FANCC: variants seen among roughly 807,000 people sequenced by gnomAD.
FANCC encodes the protein Fanconi anemia group C protein.
A neutral mutation model predicts 71.3 loss-of-function variants in FANCC; 55 were observed. The observed-to-expected ratio is 0.77, with a 90% CI of 0.62 to 0.97. The LOEUF (loss-of-function observed/expected upper bound fraction) is 0.97, where lower values mean the gene tolerates loss of function less well. FANCC is among the 50% of genes least tolerant of loss of function. The pLI, the probability that FANCC is intolerant of heterozygous loss-of-function variation, is 0.00. For synonymous variants in FANCC, 275 were observed against 244.9 expected (o/e 1.12, Z -1.15); for missense variants, 678 against 670.9 (o/e 1.01, Z -0.12).
intron 8 of FANCC, among the ~76,000 whole-genome samples, chr9:95,131,238 A>G (rs1187554024): frequency 6.6e-6 from 1 of 152,214 alleles, no homozygotes; most frequent in Non-Finnish European, 1.5e-5. Flanking sequence ...TTGGACACAG[A>G]GGATCCCCAG....
intron 6 of FANCC, among the ~76,000 whole-genome samples, chr9:95,170,758 G>A (rs1825623464): frequency 6.6e-6 from 1 of 151,214 alleles, no homozygotes; most frequent in African/African-American, 2.4e-5. Context: ...TCCTCTTGCA[G>A]AGTGAGCAAT....
At chr9:95,307,636 T>A (rs1835142104) in intron 1 of FANCC, among the ~76,000 whole-genome samples, 1 of 152,200 alleles carries the variant, frequency 6.6e-6, no homozygotes. Context: ...AAATTCAAAG[T>A]CCACAACAGA....
intron 4 of FANCC, among the ~76,000 whole-genome samples, chr9:95,212,666 C>A (rs1350113702): frequency 1.3e-5 from 2 of 152,096 alleles, no homozygotes; most frequent in African/African-American, 4.8e-5. Flanking sequence ...AGGGAGAGTG[C>A]TGAAAAGGGA....
At chr9:95,101,905 C>T in intron 14 of FANCC, 55 bp from the exon 15 acceptor site, 1 of 1,608,486 alleles carries the variant, frequency 6.2e-7, no homozygotes. Flanking sequence ...ACAGATTTGT[C>T]CTTTGTCCAG....
At chr9:95,215,769 A>C (rs763422620) in intron 4 of FANCC, among the ~76,000 whole-genome samples, 38 of 152,230 alleles carry the variant, frequency 2.5e-4, no homozygotes, top group Non-Finnish European at 1.6e-4. Context: ...ACCAGCTGAC[A>C]GTCGGTATCA....
intron 4 of FANCC, among the ~76,000 whole-genome samples, chr9:95,215,335 A>G (rs193123645): frequency 1.1e-4 from 17 of 152,256 alleles, no homozygotes; most frequent in African/African-American, 4.1e-4. Context: ...GAAACAAGAA[A>G]GTGAGGGAAG....
At chr9:95,199,652 G>C (rs1020747637) in intron 4 of FANCC, among the ~76,000 whole-genome samples, 24 of 152,278 alleles carry the variant, frequency 1.6e-4, no homozygotes, top group Middle Eastern at 3.4e-3. Flanking sequence ...CATTCCATTT[G>C]TTGAATGGAG....
At chr9:95,128,878 C>A (rs1004884033) in intron 8 of FANCC, among the ~76,000 whole-genome samples, 1 of 151,742 alleles carries the variant, frequency 6.6e-6, no homozygotes, top group Admixed American at 6.6e-5. Context: ...GAAACAGCAA[C>A]GGCAGAGATT....
chr9:95,249,906 C>T (rs1252940012), intron 1 of FANCC, among the ~76,000 whole-genome samples: 1 of 152,050 alleles, frequency 6.6e-6, no homozygotes, highest in Non-Finnish European at 1.5e-5. Context: ...ATAATTTATT[C>T]CACATGTAAC....
chr9:95,145,735 T>C (rs572847388), intron 7 of FANCC, among the ~76,000 whole-genome samples: 2 of 151,978 alleles, frequency 1.3e-5, no homozygotes, highest in African/African-American at 2.4e-5. Flanking sequence ...GGCCTGACTA[T>C]GTGAGAACTG....
intron 4 of FANCC, among the ~76,000 whole-genome samples, chr9:95,220,635 G>A (rs1005468518): frequency 6.6e-5 from 10 of 152,018 alleles, no homozygotes; most frequent in Admixed American, 3.3e-4. Context: ...ACCAAACATC[G>A]CATGTTCTCA....
At position 95,249,160 on chromosome 9, in the gene FANCC, G is replaced by A. The variant is rs2136100617; in HGVS notation, c.132C>T (p.Phe44=). ...TCAAGGCTTCATACATCTTCCTTAG[G>A]AACTCCTGGAACTGAGCCACGTGAA... The part of the protein sequence containing the change: ...TCLHVAQFQE[F]LRKMYEALKE... The change falls in exon 2 of 15, where the codon TTC becomes TTT. Residue 44 remains phenylalanine (F), a synonymous_variant. Coordinates refer to ENST00000289081, the MANE Select transcript of FANCC (RefSeq NM_000136.3). 4 of 1,613,994 alleles carry A rather than the reference G, an allele frequency of 2.5e-6. No homozygotes were observed. The highest frequency in any genetic ancestry group is 2.5e-6 in the Non-Finnish European group (3 of 1,179,958).
chr9:95,258,597 A>C (rs1043463873), intron 1 of FANCC, among the ~76,000 whole-genome samples: 2 of 152,252 alleles, frequency 1.3e-5, no homozygotes, highest in Non-Finnish European at 2.9e-5. Flanking sequence ...TAAATGGGCA[A>C]AAACTGGAAG....
chr9:95,273,625 A>G (rs1459266910), intron 1 of FANCC, among the ~76,000 whole-genome samples: 1 of 152,126 alleles, frequency 6.6e-6, no homozygotes, highest in African/African-American at 2.4e-5. Context: ...TTGTTCCCCC[A>G]GCTTGCACGT....
chr9:95,220,163 A>G (rs2135931570), intron 4 of FANCC, among the ~76,000 whole-genome samples: 1 of 152,366 alleles, frequency 6.6e-6, no homozygotes, highest in Non-Finnish European at 1.5e-5. Context: ...CAAAACCACA[A>G]TGAGATACCA....
Position 95,101,550 on chromosome 9 carries a change from T to TA in FANCC, c.*156dup. ...GGACCTGGCTCTGCATTTTGTAAAA[T>TA]AGATACTAGCAGATTGTCCCAAGAT... On this transcript the variant is annotated 3_prime_UTR_variant, in exon 15 of 15. Transcript: ENST00000289081. 1.1e-6 allele frequency: 1 copy of TA among 878,606 alleles called. No individual in the cohort carries two copies. Among genetic ancestry groups the TA allele is most frequent in the Non-Finnish European group, 1.8e-6 (1 of 560,910 alleles). 54.4% of individuals were successfully genotyped at this position (878,606 alleles called of 1,614,324 possible).
chr9:95,133,926 T>C (rs1053549962), intron 8 of FANCC, among the ~76,000 whole-genome samples: 3 of 152,240 alleles, frequency 2.0e-5, no homozygotes, highest in Non-Finnish European at 4.4e-5. Context: ...TAAAATAAGG[T>C]GCATTCCTAT....
intron 14 of FANCC, 79 bp downstream of exon 14, chr9:95,106,987 C>G (rs1588028340): frequency 3.6e-6 from 5 of 1,408,118 alleles, no homozygotes; most frequent in Non-Finnish European, 5.0e-6. Context: ...TGTGCAGAGG[C>G]CAGACCCTCG....
At chr9:95,152,139 T>C (rs1477250936) in intron 6 of FANCC, among the ~76,000 whole-genome samples, 1 of 152,242 alleles carries the variant, frequency 6.6e-6, no homozygotes, top group Admixed American at 6.5e-5. Context: ...GTATTTCCTC[T>C]TCAGAGAATT....
Sources: allele counts gnomAD v4.1 joint callset (sites outside exome capture counted in the v4.1 genomes callset), GRCh38; gene constraint gnomAD v4.1.1; transcripts MANE v1.5; gene names NCBI Gene and HGNC (gene_info 2026-07-23, HGNC 2026-07-21).